Variants in ZBTB40 observed in about 807,000 individuals in gnomAD.
The protein encoded by ZBTB40 is zinc finger and BTB domain containing 40, also known as zinc finger and BTB domain-containing protein 40.
ZBTB40 carries 60 observed loss-of-function variants against 117.5 expected under a neutral mutation model. The observed-to-expected ratio is 0.51, with a 90% confidence interval of 0.41 to 0.63. The LOEUF (loss-of-function observed/expected upper bound fraction) is 0.63. Among genes scored for constraint, ZBTB40 ranks in the 30% least tolerant of loss-of-function variants. The pLI is 0.00. For synonymous variants in ZBTB40, 525 were observed against 577.1 expected (o/e 0.91, Z 1.29); for missense variants, 1,287 against 1,498.5 (o/e 0.86, Z 2.33).
rs370278350 is a variant in ZBTB40 at position 22,508,734 on chromosome 1, A to G, written c.1699+3A>G. ...TGCCGATGCTTTCTTCCGGGCAGGT[A>G]AGTTACCTGCCCTCTGGGGGGGTTT... is the stretch of plus-strand genomic sequence containing the variant. On this transcript the variant is annotated splice_donor_region_variant and intron_variant, in intron 8 of 17. Transcript: ENST00000375647. The G allele has an allele frequency of 1.8e-5, 29 of 1,613,010 alleles. No individual in the cohort carries two copies. Among genetic ancestry groups the G allele is most frequent in the Non-Finnish European group, 2.5e-5 (29 of 1,179,960 alleles).
At position 22,527,943 on chromosome 1, in the gene ZBTB40, C is replaced by T. The variant is rs545053825; in HGVS notation, c.*1547C>T. On this transcript the variant is annotated 3_prime_UTR_variant, in exon 18 of 18. Transcript: ENST00000375647. ...CCAGCCTGGGACAGCTCATCCCAGC[C>T]GACTACACCTGCTTCTGGTCCTGTC... The T allele has an allele frequency of 6.6e-5, 10 of 152,566 alleles. No individual in the cohort carries two copies. Among genetic ancestry groups the T allele is most frequent in the East Asian group, 3.8e-4 (2 of 5,326 alleles). The allele number at this position is 152,566 out of a possible 1,614,324, so 9.5% of individuals were successfully genotyped here.
intron 12 of ZBTB40, among the ~76,000 whole-genome samples, chr1:22,516,882 C>G (rs1477537982): frequency 6.6e-6 from 1 of 152,216 alleles, no homozygotes; most frequent in Admixed American, 6.5e-5. Context: ...GGCTTTCATT[C>G]CTCTCTGAAT....
At chr1:22,457,781 G>T (rs967477052) in intron 1 of ZBTB40, among the ~76,000 whole-genome samples, 3 of 152,198 alleles carry the variant, frequency 2.0e-5, no homozygotes, top group African/African-American at 4.8e-5. Context: ...CTTATTTTGA[G>T]AAAATACTGT....
rs533006610 is a variant in ZBTB40, at chr1:22,486,711, ACATTTTTTT to A, written c.-69-3168_-69-3160del. On this transcript the variant is annotated intron_variant, in intron 1 of 17. Transcript: ENST00000375647. ...TGTTCCTACAGAGGCGTTTGTTCAT[ACATTTTTTT>A]TGTTTTGTTTTGTTTTGTTTTGTTT... Among the ~76,000 whole-genome samples, 6 of 111,636 alleles carry A rather than the reference ACATTTTTTT, an allele frequency of 5.4e-5. No homozygotes were observed. The East Asian group carries it at 1.6e-3, about 29-fold the overall frequency. 73.2% of individuals were successfully genotyped at this position (111,636 alleles called of 152,430 possible).
At chr1:22,511,472 C>A in intron 10 of ZBTB40, 125 bp downstream of exon 10, 1 of 1,371,852 alleles carries the variant, frequency 7.3e-7, no homozygotes, top group Non-Finnish European at 1.0e-6. Context: ...TTTATATGCT[C>A]TGAATACCTA....
At position 22,509,253 on chromosome 1, in the gene ZBTB40, C is replaced by T. The variant is rs201339068; in HGVS notation, c.1833+20C>T. The T allele has an allele frequency of 6.1e-4, 983 of 1,613,950 alleles. 1 individual carries two copies. Among genetic ancestry groups the T allele is most frequent in the Non-Finnish European group, 7.5e-4 (882 of 1,179,938 alleles). ...AAAGAGGTGTGGTGGGAATAAAAAG[C>T]GAAATGCCAGAGAGTTTTACAGTTG... On this transcript the variant is annotated intron_variant, in intron 9 of 17. Transcript: ENST00000375647.
rs761969449 is a variant in ZBTB40, at chr1:22,508,508, GTGTT to G, written c.1498-18_1498-15del. Reference sequence around the variant, plus strand: ...AGTGGCTGGAGAGTCTCTTACGTGAGTGTTTGTGTTACATCTTGAAGGTCATGGA... The same window carrying G: ...AGTGGCTGGAGAGTCTCTTACGTGAGTGTGTTACATCTTGAAGGTCATGGA... On this transcript the variant is annotated intron_variant, in intron 7 of 17. Coordinates refer to ENST00000375647, the MANE Select transcript of ZBTB40 (RefSeq NM_014870.4). 64 of 1,613,896 alleles carry G rather than the reference GTGTT, an allele frequency of 4.0e-5. No individual in the cohort carries two copies. The highest frequency in any genetic ancestry group is 5.0e-5 in the Non-Finnish European group (59 of 1,179,884).
chr1:22,481,555 A>T (rs1393965058), intron 1 of ZBTB40, among the ~76,000 whole-genome samples: 1 of 152,016 alleles, frequency 6.6e-6, no homozygotes. Context: ...AGCTCTGACC[A>T]CATAATGCTT....
chr1:22,493,798 T>TG (rs1638699454), intron 3 of ZBTB40, among the ~76,000 whole-genome samples: 1 of 151,886 alleles, frequency 6.6e-6, no homozygotes, highest in Non-Finnish European at 1.5e-5. Context: ...ACCCATGTTT[T>TG]TTTTTTTTTT....
chr1:22,502,478 T>G (rs1396556079), intron 5 of ZBTB40, 37 bp downstream of exon 5: 2 of 1,613,646 alleles, frequency 1.2e-6, no homozygotes, highest in South Asian at 1.1e-5. Flanking sequence ...CCTCCTGAAT[T>G]CATATAGCAC....
intron 1 of ZBTB40, chr1:22,452,619 G>C (rs1034431206): frequency 1.8e-4 from 27 of 152,300 alleles, no homozygotes; most frequent in African/African-American, 6.5e-4. Context: ...TGATCGGCTG[G>C]CTCACAAAGC....
chr1:22,464,344 G>T (rs936485232), intron 1 of ZBTB40, among the ~76,000 whole-genome samples: 1 of 152,232 alleles, frequency 6.6e-6, no homozygotes, highest in Non-Finnish European at 1.5e-5. Flanking sequence ...AAAGGGTGTA[G>T]TTGGGCAACA....
At chr1:22,435,308 C>T (rs1237079392) in intron 1 of ZBTB40, among the ~76,000 whole-genome samples, 1 of 152,128 alleles carries the variant, frequency 6.6e-6, no homozygotes, top group East Asian at 1.9e-4. Context: ...GCTTATCCTT[C>T]ACTAATATTT....
intron 8 of ZBTB40, 37 bp from the exon 9 acceptor site, chr1:22,509,063 G>T (rs1480662601): frequency 2.5e-6 from 4 of 1,613,928 alleles, no homozygotes; most frequent in African/African-American, 2.7e-5. Context: ...GGTGCTCATT[G>T]TTTGCCTAAT....
chr1:22,517,431 A>C lies in ZBTB40; in HGVS notation c.2800A>C (p.Asn934His). 2 of 1,614,142 alleles carry C rather than the reference A, an allele frequency of 1.2e-6. No homozygotes were observed. Among genetic ancestry groups the C allele is most frequent in the Non-Finnish European group, 1.7e-6 (2 of 1,180,028 alleles). ...RDCGKGFRQA[N>H]GLSIHLHTFH... ...CTGTGGCAAGGGCTTCCGGCAAGCC[A>C]ATGGCCTCTCCATCCATCTGCACAC... Residue 934 changes from asparagine to histidine, a missense_variant, in exon 13 of 18, where the codon AAT (asparagine) becomes CAT (histidine). Transcript: ENST00000375647.
intron 7 of ZBTB40, 94 bp from the exon 8 acceptor site, chr1:22,508,434 CAT>C (rs35753119): frequency 0.012 from 17,378 of 1,444,322 alleles, 508 homozygotes; most frequent in Admixed American, 0.094. Flanking sequence ...CTTCCCCAAA[CAT>C]ATTCACTGTA....
chr1:22,432,642 T>G (rs193018829), intron 1 of ZBTB40, among the ~76,000 whole-genome samples: 1 of 152,362 alleles, frequency 6.6e-6, no homozygotes, highest in East Asian at 1.9e-4. Context: ...TTTCGAGGTC[T>G]CTATTCAGAT....
chr1:22,513,128 A>C lies in ZBTB40; in HGVS notation c.2666A>C (p.Glu889Ala), dbSNP rs756305548. 1 of 1,613,736 alleles carries C rather than the reference A, an allele frequency of 6.2e-7. No individual in the cohort carries two copies. ...LAYHTKKKHSEGKMYACQYCD... is the reference protein window; with the variant it reads ...LAYHTKKKHSAGKMYACQYCD... Reference sequence around the variant, plus strand: ...TATCACACCAAGAAGAAGCACTCAGAAGGTAAGGCGGGGCACAGTTCATTT... The same window carrying C: ...TATCACACCAAGAAGAAGCACTCAGCAGGTAAGGCGGGGCACAGTTCATTT... The change falls in exon 12 of 18, where the codon GAA (glutamate) becomes GCA (alanine). Residue 889 changes from glutamate to alanine, a missense_variant and splice_region_variant. Glu to Ala is a moderately radical substitution (Grantham distance 107, BLOSUM62 -1). Coordinates refer to ENST00000375647, the MANE Select transcript of ZBTB40 (RefSeq NM_014870.4). This position sits in a 1 kb window ranked among gnomAD's most constrained non-coding sequence, Gnocchi z 4.9.
intron 10 of ZBTB40, 30 bp from the exon 11 acceptor site, chr1:22,511,646 G>A (rs759581854): frequency 1.9e-5 from 31 of 1,606,652 alleles, no homozygotes; most frequent in African/African-American, 4.0e-5. Flanking sequence ...CAGAGAGTTC[G>A]CAGAGCCACG....
Sources: allele counts gnomAD v4.1 joint callset (sites outside exome capture counted in the v4.1 genomes callset), GRCh38; gene constraint gnomAD v4.1.1; non-coding constraint Gnocchi (gnomAD v3.1); transcripts MANE v1.5; gene names NCBI Gene and HGNC (gene_info 2026-07-23, HGNC 2026-07-21).